Variants in TMEM182 observed in about 807,000 individuals in gnomAD.
The protein encoded by TMEM182 is transmembrane protein 182.
In TMEM182, 20 loss-of-function variants were observed where a neutral mutation model predicts 26.8. The ratio of observed to expected loss-of-function variants is 0.75; its 90% CI spans 0.53 to 1.09. The LOEUF (loss-of-function observed/expected upper bound fraction) is 1.09, where lower values mean the gene tolerates loss of function less well. Ranked by LOEUF, TMEM182 falls within the 50% of genes least tolerant of loss-of-function variation. The pLI is 0.00. For synonymous variants in TMEM182, 109 were observed against 102.2 expected, an observed-to-expected ratio of 1.07 and a Z score of -0.40; for missense variants, 277 against 275.5, an observed-to-expected ratio of 1.01 and a Z score of -0.04.
At chr2:102,801,352 G>T (rs978828354) in intron 4 of TMEM182, among the ~76,000 whole-genome samples, 1 of 152,156 alleles carries the variant, frequency 6.6e-6, no homozygotes, top group African/African-American at 2.4e-5. Flanking sequence ...AACAAAGACA[G>T]CTCTTGAACT....
At chr2:102,765,425 G>A (rs1276464753) in intron 3 of TMEM182, among the ~76,000 whole-genome samples, 1 of 152,132 alleles carries the variant, frequency 6.6e-6, no homozygotes, top group African/African-American at 2.4e-5. Context: ...CTCATAGTAT[G>A]GGGTAGGGGG....
At position 102,772,487 on chromosome 2, in the gene TMEM182, C is replaced by T. The variant is rs191892319; in HGVS notation, c.331+8060C>T. Among the ~76,000 whole-genome samples the T allele has an allele frequency of 3.3e-5, 5 of 152,164 alleles. No homozygotes were observed. The East Asian group carries it at 5.8e-4, about 18-fold the overall frequency. On this transcript the variant is annotated intron_variant, in intron 3 of 4. Coordinates refer to ENST00000412401, the MANE Select transcript of TMEM182 (RefSeq NM_144632.5). ...ACGAGGTTTGTTTTGAGATAGACAT[C>T]GCTGGGTTGAATGTGGGTCCTGCCA...
At position 102,835,622 on chromosome 2, in the gene TMEM182, C is replaced by G. The variant is rs1056075109; in HGVS notation, c.326-7790C>G. 5.3e-5 allele frequency among the ~76,000 whole-genome samples: 8 copies of G among 152,248 alleles called. No individual in the cohort carries two copies. In the South Asian group the frequency reaches 1.7e-3, roughly 32 times the overall value. ...TTCCATCTGTTTATTCCACCCAACC[C>G]CTGAAAACCACGGATCTTTTCACCA... On this transcript the variant is annotated intron_variant, in intron 3 of 3. Transcript: ENST00000486293.
At chr2:102,783,885 T>G (rs1173176781) in intron 3 of TMEM182, among the ~76,000 whole-genome samples, 1 of 152,194 alleles carries the variant, frequency 6.6e-6, no homozygotes, top group African/African-American at 2.4e-5. Context: ...CTGCACACAT[T>G]TGTTCCAGGA....
intron 3 of TMEM182, among the ~76,000 whole-genome samples, chr2:102,764,812 G>A (rs1197109776): frequency 6.6e-6 from 1 of 151,076 alleles, no homozygotes; most frequent in African/African-American, 2.4e-5. Flanking sequence ...TTACACATGA[G>A]AATATCACAG....
rs569295758 is a variant in TMEM182, at chr2:102,798,171, CACTA to C, written c.469+175_469+178del. 1.9e-3 allele frequency among the ~76,000 whole-genome samples: 295 copies of C among 152,320 alleles called. 1 individual carries two copies. The highest frequency in any genetic ancestry group is 3.6e-3 in the Non-Finnish European group (244 of 68,034). Reference sequence around the variant, plus strand: ...ATATTTGTATACAATACTTCTTGAACACTAACTGTGTGTCGGACACTTTTCAGGG... The same window carrying C: ...ATATTTGTATACAATACTTCTTGAACACTGTGTGTCGGACACTTTTCAGGG... On this transcript the variant is annotated intron_variant, in intron 4 of 4. Transcript: ENST00000412401.
chr2:102,816,750 G>A lies in TMEM182; in HGVS notation c.*1782G>A, dbSNP rs1682769842. 2 of 985,588 alleles carry A rather than the reference G, an allele frequency of 2.0e-6. No individual in the cohort carries two copies. Among genetic ancestry groups the A allele is most frequent in the African/African-American group, 1.7e-5 (1 of 57,198 alleles). The allele number at this position is 985,588 out of a possible 1,614,324, so 61.1% of individuals were successfully genotyped here. On this transcript the variant is annotated 3_prime_UTR_variant, in exon 5 of 5. Transcript: ENST00000412401. ...ATATTAAGTTATGGCATGCCATTAA[G>A]TTTTCCAGACGATGTTGGATGTATC...
intron 3 of TMEM182, among the ~76,000 whole-genome samples, chr2:102,840,837 A>C (rs1474792547): frequency 1.3e-5 from 2 of 152,230 alleles, no homozygotes; most frequent in Non-Finnish European, 2.9e-5. Flanking sequence ...ACAAATCTTC[A>C]ATTCACATTA....
At chr2:102,780,021 T>C (rs1258521370) in intron 3 of TMEM182, among the ~76,000 whole-genome samples, 1 of 151,632 alleles carries the variant, frequency 6.6e-6, no homozygotes, top group Non-Finnish European at 1.5e-5. Flanking sequence ...AAAATTTGGC[T>C]CAAGCATTTT....
Position 102,815,513 on chromosome 2 carries a change from A to G in TMEM182, c.*545A>G, listed in dbSNP as rs1232763738. ...AGTGGGAGCCATGTACTCACCAGTT[A>G]AAATGGGCCACAACAAACAAGACTG... On this transcript the variant is annotated 3_prime_UTR_variant, in exon 5 of 5. Transcript: ENST00000412401. The G allele has an allele frequency of 1.0e-6, 1 of 985,744 alleles. No homozygotes were observed. Among genetic ancestry groups the G allele is most frequent in the East Asian group, 1.1e-4 (1 of 8,840 alleles). 61.1% of individuals were successfully genotyped at this position (985,744 alleles called of 1,614,324 possible).
chr2:102,830,266 A>G (rs1284214189), intron 3 of TMEM182, among the ~76,000 whole-genome samples: 1 of 152,202 alleles, frequency 6.6e-6, no homozygotes, highest in Non-Finnish European at 1.5e-5. Flanking sequence ...CATATAAATT[A>G]CTATGCTTTC....
chr2:102,753,562 G>A (rs1303672689), intron 1 of TMEM182, among the ~76,000 whole-genome samples: 2 of 151,982 alleles, frequency 1.3e-5, no homozygotes, highest in Admixed American at 6.6e-5. Flanking sequence ...ATTGAGATGG[G>A]GTCTTGCTAT....
downstream of TMEM182, among the ~76,000 whole-genome samples, chr2:102,820,486 A>T (rs1353283478): frequency 6.6e-6 from 1 of 152,196 alleles, no homozygotes; most frequent in Non-Finnish European, 1.5e-5. Flanking sequence ...TCCTCTAGGG[A>T]AAAATGCATA....
At chr2:102,807,606 A>G (rs921713907) in intron 4 of TMEM182, among the ~76,000 whole-genome samples, 2 of 152,226 alleles carry the variant, frequency 1.3e-5, no homozygotes, top group African/African-American at 2.4e-5. Flanking sequence ...ACATTACAAT[A>G]TTATGACAAA....
chr2:102,811,705 T>C (rs1219994728), intron 4 of TMEM182, among the ~76,000 whole-genome samples: 2 of 152,196 alleles, frequency 1.3e-5, no homozygotes, highest in Non-Finnish European at 2.9e-5. Flanking sequence ...AATGTACCAC[T>C]ATCATTATTC....
intron 3 of TMEM182, among the ~76,000 whole-genome samples, chr2:102,843,015 CTT>C (rs1258164187): frequency 6.6e-6 from 1 of 152,146 alleles, no homozygotes; most frequent in Admixed American, 6.5e-5. Flanking sequence ...AACAGATACT[CTT>C]TACAGAAAAT....
At chr2:102,788,481 T>C (rs1681492663) in intron 3 of TMEM182, among the ~76,000 whole-genome samples, 1 of 151,808 alleles carries the variant, frequency 6.6e-6, no homozygotes, top group Non-Finnish European at 1.5e-5. Context: ...CTCTGTGACC[T>C]TGAGGATTCT....
At chr2:102,748,425 C>G (rs1679779546) in intron 1 of TMEM182, among the ~76,000 whole-genome samples, 2 of 152,124 alleles carry the variant, frequency 1.3e-5, no homozygotes, top group South Asian at 4.1e-4. Flanking sequence ...ATGTTTTGGT[C>G]TAAAGATAAT....
chr2:102,766,307 T>TA (rs1183051656), intron 3 of TMEM182, among the ~76,000 whole-genome samples: 1 of 152,182 alleles, frequency 6.6e-6, no homozygotes, highest in Non-Finnish European at 1.5e-5. Context: ...CAGTTACACT[T>TA]AAAATTATTA....
Sources: gnomAD v4.1 joint callset for allele counts (sites outside exome capture counted in the v4.1 genomes callset) on GRCh38, gnomAD v4.1.1 for gene constraint, MANE v1.5 for transcripts, NCBI Gene and HGNC (gene_info 2026-07-23, HGNC 2026-07-21) for gene names.